Variants in MEF2A observed in about 807,000 individuals in gnomAD.
MEF2A encodes the protein myocyte-specific enhancer factor 2A.
MEF2A carries 28 observed loss-of-function variants against 55.8 expected under a neutral mutation model. The observed-to-expected ratio is 0.50, with a 90% confidence interval of 0.37 to 0.69. MEF2A has a LOEUF of 0.69. Among genes scored for constraint, MEF2A ranks in the 30% least tolerant of loss-of-function variants. MEF2A has a pLI of 0.00. For synonymous variants in MEF2A, 239 were observed against 227.1 expected, an observed-to-expected ratio of 1.05 and a Z score of -0.47; for missense variants, 528 against 626.2, an observed-to-expected ratio of 0.84 and a Z score of 1.67.
At chr15:99,681,575 T>G (rs745371812) in intron 7 of MEF2A, among the ~76,000 whole-genome samples, 1 of 152,214 alleles carries the variant, frequency 6.6e-6, no homozygotes, top group Non-Finnish European at 1.5e-5. Context: ...GAAGAAGATA[T>G]GTTGCCTTTT....
At chr15:99,671,615 T>C (rs1485173629) in intron 5 of MEF2A, 161 bp downstream of exon 5, 1 of 1,592,742 alleles carries the variant, frequency 6.3e-7, no homozygotes, top group South Asian at 1.1e-5. Context: ...ATAAAAAAAT[T>C]AATGAGGAAT....
chr15:99,627,213 G>C (rs2042180150), intron 2 of MEF2A, among the ~76,000 whole-genome samples: 1 of 151,806 alleles, frequency 6.6e-6, no homozygotes, highest in Non-Finnish European at 1.5e-5. Flanking sequence ...GAAAAAGTGG[G>C]AGTTTGAGAT....
At position 99,690,407 on chromosome 15, in the gene MEF2A, C is replaced by T. The variant is rs766041224; in HGVS notation, c.837C>T (p.Ser279=). 4 of 1,602,926 alleles carry T rather than the reference C, an allele frequency of 2.5e-6. No homozygotes were observed. Residue 279 remains serine (S), a synonymous_variant, in exon 8 of 12, where the codon AGC becomes AGT. Coordinates refer to ENST00000557942, the MANE Select transcript of MEF2A (RefSeq NM_001319206.4). The part of the protein sequence containing the change: ...PDLRVVIPPS[S]KGMMPPLSEE... ...TTCGAGTTGTCATCCCCCCTTCAAG[C>T]AAGGGCATGATGCCTCCACTAGTAA...
Position 99,566,065 on chromosome 15 carries a change from C to G in MEF2A, c.-264C>G, listed in dbSNP as rs1036380160. 1 of 152,256 alleles carries G rather than the reference C, an allele frequency of 6.6e-6. No individual in the cohort carries two copies. Among genetic ancestry groups the G allele is most frequent in the Non-Finnish European group, 1.5e-5 (1 of 68,236 alleles). The allele number at this position is 152,256 out of a possible 1,614,324, so 9.4% of individuals were successfully genotyped here. On this transcript the variant is annotated 5_prime_UTR_variant, in exon 1 of 12. Coordinates refer to ENST00000557942, the MANE Select transcript of MEF2A (RefSeq NM_001319206.4). Reference sequence around the variant, plus strand: ...GCGAAGCGCTGGTGGCGGGCCCGGGCTGCGGCGTGTGCGCGCCCGCCAGCT... The same window carrying G: ...GCGAAGCGCTGGTGGCGGGCCCGGGGTGCGGCGTGTGCGCGCCCGCCAGCT...
intron 4 of MEF2A, among the ~76,000 whole-genome samples, chr15:99,646,307 T>C (rs974441099): frequency 1.3e-5 from 2 of 152,146 alleles, no homozygotes; most frequent in Non-Finnish European, 1.5e-5. Flanking sequence ...AAAGGATTTA[T>C]TATTAGAATG....
At chr15:99,590,033 T>C (rs961381134) in intron 1 of MEF2A, among the ~76,000 whole-genome samples, 4 of 152,106 alleles carry the variant, frequency 2.6e-5, no homozygotes, top group Non-Finnish European at 5.9e-5. Context: ...TCAGGTCTTA[T>C]ACATCTTCAC....
chr15:99,645,654 A>G lies in MEF2A; in HGVS notation c.148A>G (p.Ser50Gly). The stretch of plus-strand genomic sequence containing the variant: ...TGAAATAGCACTCATCATTTTCAAC[A>G]GCTCTAACAAACTGTTTCAATATGC... ...DCEIALIIFNSSNKLFQYAST... is the reference protein window; with the variant it reads ...DCEIALIIFNGSNKLFQYAST... The change falls in exon 4 of 12, where the codon AGC (serine) becomes GGC (glycine). Residue 50 changes from serine to glycine, a missense_variant. This residue lies in a region of MEF2A where 78 missense variants were observed against 150.9 expected (regional missense o/e 0.52). Coordinates refer to ENST00000557942, the MANE Select transcript of MEF2A (RefSeq NM_001319206.4). 9 of 1,613,750 alleles carry G rather than the reference A, an allele frequency of 5.6e-6. No homozygotes were observed. The highest frequency in any genetic ancestry group is 7.6e-6 in the Non-Finnish European group (9 of 1,179,684).
At chr15:99,666,969 C>T (rs2049888991) in intron 4 of MEF2A, among the ~76,000 whole-genome samples, 1 of 152,138 alleles carries the variant, frequency 6.6e-6, no homozygotes, top group Non-Finnish European at 1.5e-5. Flanking sequence ...ATTGAAAGGC[C>T]ACAGGCCCTG....
At chr15:99,694,842 A>G (rs565441198) in intron 8 of MEF2A, among the ~76,000 whole-genome samples, 22 of 152,244 alleles carry the variant, frequency 1.4e-4, no homozygotes, top group Middle Eastern at 3.4e-3. Flanking sequence ...ATTTCTATCA[A>G]TATGGACTCG....
At chr15:99,639,026 A>T (rs1466115039) in intron 3 of MEF2A, among the ~76,000 whole-genome samples, 1 of 152,184 alleles carries the variant, frequency 6.6e-6, no homozygotes, top group Non-Finnish European at 1.5e-5. Flanking sequence ...AAAAGCAGAC[A>T]TCCTCATATA....
intron 8 of MEF2A, among the ~76,000 whole-genome samples, chr15:99,695,518 C>A (rs373164316): frequency 3.1e-5 from 4 of 127,724 alleles, no homozygotes; most frequent in African/African-American, 1.0e-4. Flanking sequence ...GGTGAGAAAG[C>A]GTCAGTTAAA....
chr15:99,609,264 G>C (rs528108611), intron 2 of MEF2A, among the ~76,000 whole-genome samples: 1 of 152,234 alleles, frequency 6.6e-6, no homozygotes, highest in African/African-American at 2.4e-5. Flanking sequence ...GTGTATTTTT[G>C]TATGTTTATT....
At chr15:99,644,947 A>C (rs1234988361) in intron 3 of MEF2A, among the ~76,000 whole-genome samples, 1 of 152,126 alleles carries the variant, frequency 6.6e-6, no homozygotes, top group Non-Finnish European at 1.5e-5. Flanking sequence ...ATAAAAAGAC[A>C]TCTCTTTTAG....
intron 4 of MEF2A, among the ~76,000 whole-genome samples, chr15:99,646,466 C>G (rs994949074): frequency 6.6e-6 from 1 of 151,942 alleles, no homozygotes; most frequent in Non-Finnish European, 1.5e-5. Flanking sequence ...TTCATAGTTA[C>G]TTTTGTCTCT....
At chr15:99,577,039 G>A (rs975418490) in intron 1 of MEF2A, among the ~76,000 whole-genome samples, 4 of 152,166 alleles carry the variant, frequency 2.6e-5, no homozygotes, top group Non-Finnish European at 2.9e-5. Flanking sequence ...TAATGTTGGC[G>A]TTGCTGTTAT....
intron 2 of MEF2A, among the ~76,000 whole-genome samples, chr15:99,617,046 G>T (rs2040310481): frequency 1.3e-5 from 2 of 152,214 alleles, no homozygotes; most frequent in South Asian, 2.1e-4. Context: ...CTTTTTTCAT[G>T]TGATTATGAT....
chr15:99,626,248 T>C (rs1399067978), intron 2 of MEF2A, among the ~76,000 whole-genome samples: 1 of 152,160 alleles, frequency 6.6e-6, no homozygotes, highest in Non-Finnish European at 1.5e-5. Flanking sequence ...CAGTTGTTGG[T>C]ATATAGCTGT....
chr15:99,605,477 A>G (rs889458070), intron 2 of MEF2A, among the ~76,000 whole-genome samples: 5 of 152,198 alleles, frequency 3.3e-5, no homozygotes, highest in African/African-American at 1.2e-4. Context: ...ATATTGTGCA[A>G]GGTGGACATC....
chr15:99,576,480 C>T (rs946762815), intron 1 of MEF2A, among the ~76,000 whole-genome samples: 2 of 151,926 alleles, frequency 1.3e-5, no homozygotes, highest in Non-Finnish European at 2.9e-5. Context: ...TAATAATGAC[C>T]CAACATTATT....
Sources: allele counts gnomAD v4.1 joint callset (sites outside exome capture counted in the v4.1 genomes callset), GRCh38; gene constraint gnomAD v4.1.1; regional missense constraint gnomAD v4.1.1; transcripts MANE v1.5; gene names NCBI Gene and HGNC (gene_info 2026-07-23, HGNC 2026-07-21).